Variants in DGKI observed in about 807,000 individuals in gnomAD.
The protein encoded by DGKI is DAG kinase iota.
In DGKI, 55 loss-of-function variants were observed where a neutral mutation model predicts 147.5. The observed-to-expected ratio is 0.37, with a 90% CI of 0.30 to 0.47. The LOEUF (loss-of-function observed/expected upper bound fraction) is 0.47. Ranked by LOEUF, DGKI falls within the 20% of genes least tolerant of loss-of-function variation. The probability of loss-of-function intolerance (pLI) is 1.00; values close to 1 mark genes in which losing one functional copy is unlikely to be tolerated. For synonymous variants in DGKI, 469 were observed against 477.1 expected, an observed-to-expected ratio of 0.98 and a Z score of 0.22; for missense variants, 1,007 against 1,323.8, an observed-to-expected ratio of 0.76 and a Z score of 3.71.
At chr7:137,570,691 A>C (rs1818763402) in intron 19 of DGKI, among the ~76,000 whole-genome samples, 1 of 151,512 alleles carries the variant, frequency 6.6e-6, no homozygotes, top group Non-Finnish European at 1.5e-5. Context: ...TCCTGTGTTC[A>C]AGCAATTATC....
chr7:137,596,030 AAAAG>A (rs1563103532), intron 12 of DGKI, among the ~76,000 whole-genome samples: 9 of 132,884 alleles, frequency 6.8e-5, no homozygotes, highest in Non-Finnish European at 9.0e-5. Flanking sequence ...AAAAAAAAAA[AAAAG>A]AAAGAAAGAA....
At chr7:137,494,641 C>T (rs1815892467) in intron 21 of DGKI, among the ~76,000 whole-genome samples, 1 of 152,094 alleles carries the variant, frequency 6.6e-6, no homozygotes, top group Admixed American at 6.5e-5. Flanking sequence ...TCATTACCAC[C>T]AGACCCGCCT....
At chr7:137,779,307 C>A (rs907809909) in intron 1 of DGKI, among the ~76,000 whole-genome samples, 2 of 152,086 alleles carry the variant, frequency 1.3e-5, no homozygotes, top group African/African-American at 4.8e-5. Flanking sequence ...TGAACCTCAA[C>A]CTCTATCTTA....
intron 6 of DGKI, among the ~76,000 whole-genome samples, chr7:137,643,290 CAAAAAAAAAAAAA>C (rs10541603): frequency 1.6e-5 from 1 of 61,656 alleles, no homozygotes; most frequent in Non-Finnish European, 2.7e-5. Context: ...GACTCCGTCT[CAAAAAAAAAAAAA>C]AAAAAAAAAA....
chr7:137,517,685 A>T lies in DGKI; in HGVS notation c.2248+4181T>A, dbSNP rs536765398. On this transcript the variant is annotated intron_variant, in intron 21 of 32. Coordinates refer to ENST00000614521, the MANE Select transcript of DGKI (RefSeq NM_001321708.2). ...TTTGTAACTTTTTTGTAAATCTAAA[A>T]TTATTCCAAAATAAAAATTTGTTGC... 6.0e-4 allele frequency among the ~76,000 whole-genome samples: 92 copies of T among 152,272 alleles called. No homozygotes were observed. The South Asian group carries it at 0.014, about 23-fold the overall frequency.
At chr7:137,765,753 G>A (rs1408069943) in intron 1 of DGKI, among the ~76,000 whole-genome samples, 1 of 152,192 alleles carries the variant, frequency 6.6e-6, no homozygotes, top group Non-Finnish European at 1.5e-5. Flanking sequence ...CCTCAGGTCT[G>A]GATGGACTCT....
intron 6 of DGKI, among the ~76,000 whole-genome samples, chr7:137,638,176 G>A (rs1387110535): frequency 6.6e-6 from 1 of 151,932 alleles, no homozygotes; most frequent in Non-Finnish European, 1.5e-5. Context: ...TCAGCTTGGT[G>A]GCTTCACAAC....
intron 32 of DGKI, among the ~76,000 whole-genome samples, chr7:137,392,780 T>C (rs1333359294): frequency 1.3e-5 from 2 of 152,136 alleles, no homozygotes; most frequent in African/African-American, 4.8e-5. Flanking sequence ...GTTGCTGAGG[T>C]GGGCCTTTGA....
intron 24 of DGKI, among the ~76,000 whole-genome samples, chr7:137,467,940 T>C (rs1045949556): frequency 6.7e-6 from 1 of 149,292 alleles, no homozygotes; most frequent in Non-Finnish European, 1.5e-5. Context: ...ACCATGATCA[T>C]GCCACTGCAC....
At chr7:137,679,197 A>G (rs1342795009) in intron 2 of DGKI, among the ~76,000 whole-genome samples, 1 of 152,208 alleles carries the variant, frequency 6.6e-6, no homozygotes, top group Non-Finnish European at 1.5e-5. Flanking sequence ...TCAAAGCATA[A>G]TACGTTTCTG....
Position 137,492,304 on chromosome 7 carries a change from G to A in DGKI, c.2249-4615C>T, listed in dbSNP as rs143926870. 3.2e-3 allele frequency among the ~76,000 whole-genome samples: 482 copies of A among 152,302 alleles called. 9 individuals carry two copies. Among genetic ancestry groups the A allele is most frequent in the African/African-American group, 0.011 (459 of 41,564 alleles). On this transcript the variant is annotated intron_variant, in intron 21 of 32. Transcript: ENST00000614521. ...ATCCTCCAGGCAAGATAGCTGAACA[G>A]ACACAGCCAGAAGGAACATCTGCCA...
At position 137,721,270 on chromosome 7, in the gene DGKI, C is replaced by G. The variant is rs527785819; in HGVS notation, c.402-31268G>C. ...AAACAATCCTACAATGAATGTCTTT[C>G]TGTATAAAGGCTTGTGTGTCTGTAC... On this transcript the variant is annotated intron_variant, in intron 1 of 32. Transcript: ENST00000614521. 2.6e-5 allele frequency among the ~76,000 whole-genome samples: 4 copies of G among 152,334 alleles called. No individual in the cohort carries two copies. The South Asian group carries it at 6.2e-4, about 24-fold the overall frequency.
At chr7:137,554,325 G>C (rs1818148344) in intron 19 of DGKI, among the ~76,000 whole-genome samples, 1 of 152,156 alleles carries the variant, frequency 6.6e-6, no homozygotes, top group African/African-American at 2.4e-5. Context: ...TAGTCTCTAA[G>C]AGCCCTAATA....
At chr7:137,735,109 T>C (rs2116681079) in intron 1 of DGKI, among the ~76,000 whole-genome samples, 1 of 152,274 alleles carries the variant, frequency 6.6e-6, no homozygotes, top group Admixed American at 6.5e-5. Context: ...TCTTTTATGC[T>C]GAAATTAGAC....
At chr7:137,814,499 A>G (rs888322981) in intron 1 of DGKI, among the ~76,000 whole-genome samples, 1 of 152,082 alleles carries the variant, frequency 6.6e-6, no homozygotes, top group African/African-American at 2.4e-5. Context: ...AACCCCTCAA[A>G]TCCAATTCCC....
intron 28 of DGKI, among the ~76,000 whole-genome samples, chr7:137,422,287 C>T (rs908500364): frequency 1.1e-4 from 17 of 152,216 alleles, no homozygotes; most frequent in South Asian, 4.1e-4. Context: ...ACATACATGA[C>T]GCCAGTCACA....
At chr7:137,470,417 G>T (rs904854575) in intron 23 of DGKI, among the ~76,000 whole-genome samples, 1 of 152,014 alleles carries the variant, frequency 6.6e-6, no homozygotes, top group Admixed American at 6.6e-5. Flanking sequence ...TTAGACTCTG[G>T]ACTATCTTTC....
intron 28 of DGKI, among the ~76,000 whole-genome samples, chr7:137,415,022 T>G (rs1045256652): frequency 6.6e-6 from 1 of 152,190 alleles, no homozygotes; most frequent in Admixed American, 6.6e-5. Context: ...AAAAGACATA[T>G]GGACCTTCAG....
At chr7:137,415,454 T>G (rs1019873603) in intron 28 of DGKI, among the ~76,000 whole-genome samples, 2 of 152,198 alleles carry the variant, frequency 1.3e-5, no homozygotes, top group Non-Finnish European at 2.9e-5. Context: ...CTTGAACATC[T>G]GTAGATTTTG....
Sources: gnomAD v4.1 joint callset for allele counts (sites outside exome capture counted in the v4.1 genomes callset) on GRCh38, gnomAD v4.1.1 for gene constraint, MANE v1.5 for transcripts, NCBI Gene and HGNC (gene_info 2026-07-23, HGNC 2026-07-21) for gene names.